The following STX8 variants were observed in gnomAD, a reference collection of about 807,000 sequenced individuals.
STX8 encodes syntaxin-8.
A neutral mutation model predicts 37.5 loss-of-function variants in STX8; 23 were observed. The ratio of observed to expected loss-of-function variants is 0.61; its 90% confidence interval spans 0.44 to 0.87. The LOEUF (loss-of-function observed/expected upper bound fraction) is 0.87, where lower values mean the gene tolerates loss of function less well. Ranked by LOEUF, STX8 falls within the 40% of genes least tolerant of loss-of-function variation. The pLI is 0.00. For missense variants in STX8, 313 were observed against 284.7 expected, an observed-to-expected ratio of 1.10 and a Z score of -0.71; for synonymous variants, 115 against 99.1, an observed-to-expected ratio of 1.16 and a Z score of -0.95.
intron 6 of STX8, among the ~76,000 whole-genome samples, chr17:9,414,132 A>ACATACCCATCTG (rs1913093676): frequency 1.1e-4 from 1 of 8,818 alleles, no homozygotes; most frequent in Non-Finnish European, 2.4e-4. Flanking sequence ...CCATCCAACC[A>ACATACCCATCTG]TCCATCCATC....
At chr17:9,504,893 G>C in intron 5 of STX8, 145 bp downstream of exon 5, 1 of 778,494 alleles carries the variant, frequency 1.3e-6, no homozygotes, top group Non-Finnish European at 1.9e-6. Flanking sequence ...AGAATCGTTT[G>C]AACCCGGGAG....
At chr17:9,476,938 C>T (rs868811196) in intron 6 of STX8, among the ~76,000 whole-genome samples, 9 of 152,070 alleles carry the variant, frequency 5.9e-5, no homozygotes, top group East Asian at 1.9e-4. Context: ...CTTGACCTCC[C>T]GGGCTCAAGT....
intron 6 of STX8, among the ~76,000 whole-genome samples, chr17:9,402,327 G>A (rs896987579): frequency 1.3e-5 from 2 of 152,068 alleles, no homozygotes; most frequent in Non-Finnish European, 2.9e-5. Context: ...CTCCATGTTG[G>A]TCAGGCTGAT....
At chr17:9,294,960 C>G (rs1460082219) in intron 7 of STX8, among the ~76,000 whole-genome samples, 1 of 152,214 alleles carries the variant, frequency 6.6e-6, no homozygotes, top group Non-Finnish European at 1.5e-5. Flanking sequence ...CCATCTGCAA[C>G]CCAAGGACAG....
chr17:9,437,111 A>T (rs188360717), intron 6 of STX8, among the ~76,000 whole-genome samples: 4 of 152,364 alleles, frequency 2.6e-5, no homozygotes, highest in Admixed American at 2.6e-4. Flanking sequence ...GCACTCACTG[A>T]ATTTTGAGCA....
intron 6 of STX8, among the ~76,000 whole-genome samples, chr17:9,421,102 A>AT (rs930741877): frequency 6.6e-5 from 10 of 151,772 alleles, no homozygotes; most frequent in African/African-American, 1.9e-4. Context: ...TTACTATAGA[A>AT]TTTTTTTTGG....
At chr17:9,497,145 A>G (rs1009411896) in intron 5 of STX8, among the ~76,000 whole-genome samples, 1 of 152,226 alleles carries the variant, frequency 6.6e-6, no homozygotes, top group Admixed American at 6.5e-5. Flanking sequence ...TGCAGTTTCA[A>G]TGAAGAAACT....
chr17:9,545,940 C>T (rs1478955396), intron 3 of STX8, among the ~76,000 whole-genome samples: 1 of 152,140 alleles, frequency 6.6e-6, no homozygotes, highest in Non-Finnish European at 1.5e-5. Flanking sequence ...TCAGTGATTC[C>T]TTAGGTTTTG....
rs146707117 is a variant in STX8 at position 9,343,264 on chromosome 17, A to G, written c.643+35288T>C. 4.2e-3 allele frequency among the ~76,000 whole-genome samples: 642 copies of G among 152,264 alleles called. 5 individuals are homozygous for G. The highest frequency in any genetic ancestry group is 0.014 in the African/African-American group (564 of 41,542). ...ACTCTCAACCACTCCAAGTTTTTAT[A>G]GAGCCTTTGGAATGATGGATGGGGC... is the stretch of plus-strand genomic sequence containing the variant. On this transcript the variant is annotated intron_variant, in intron 7 of 7. Coordinates refer to ENST00000306357, the MANE Select transcript of STX8 (RefSeq NM_004853.3).
intron 7 of STX8, among the ~76,000 whole-genome samples, chr17:9,280,330 C>T (rs140380503): frequency 6.6e-6 from 1 of 152,162 alleles, no homozygotes; most frequent in East Asian, 1.9e-4. Flanking sequence ...GAGACCAAGG[C>T]GGGTGGATCA....
intron 7 of STX8, among the ~76,000 whole-genome samples, chr17:9,291,273 C>T (rs975048806): frequency 2.6e-5 from 4 of 152,054 alleles, no homozygotes; most frequent in Middle Eastern, 3.4e-3. Flanking sequence ...GGTGAAACCT[C>T]GTGTCCACTA....
At chr17:9,272,596 G>C (rs1232630075) in intron 7 of STX8, among the ~76,000 whole-genome samples, 1 of 152,234 alleles carries the variant, frequency 6.6e-6, no homozygotes, top group Non-Finnish European at 1.5e-5. Flanking sequence ...GTACCCCGAA[G>C]CTAGCGCGCC....
At chr17:9,410,806 T>C (rs990837040) in intron 6 of STX8, among the ~76,000 whole-genome samples, 2 of 152,216 alleles carry the variant, frequency 1.3e-5, no homozygotes, top group Non-Finnish European at 2.9e-5. Context: ...TTTCCTAAAA[T>C]GTTTAAAAAC....
At position 9,505,084 on chromosome 17, in the gene STX8, G is replaced by A; in HGVS notation, c.402C>T (p.Gly134=). 6.2e-7 allele frequency: 1 copy of A among 1,611,262 alleles called. No individual in the cohort carries two copies. The highest frequency in any genetic ancestry group is 1.3e-5 in the African/African-American group (1 of 74,640). Residue 134 remains glycine, a synonymous_variant, in exon 5 of 8, where the codon GGC becomes GGT. Coordinates refer to ENST00000306357, the MANE Select transcript of STX8 (RefSeq NM_004853.3). The part of the protein sequence containing the change: ...WLFEEPEETR[G]LGFDEIRQQQ... ...GTTGCCGGATTTCATCAAAACCCAA[G>A]CCTCTGGTCTCCTCTGGCTCCTCAA...
chr17:9,419,583 G>A (rs1913348879), intron 6 of STX8, among the ~76,000 whole-genome samples: 1 of 152,184 alleles, frequency 6.6e-6, no homozygotes, highest in Non-Finnish European at 1.5e-5. Context: ...TAAGTATCGA[G>A]AATGCTCTAT....
chr17:9,376,170 T>C (rs1190634413), intron 7 of STX8, among the ~76,000 whole-genome samples: 12 of 152,176 alleles, frequency 7.9e-5, no homozygotes. Flanking sequence ...AACTTTTCTG[T>C]CTCACTAAAG....
At chr17:9,426,635 C>G (rs192260656) in intron 6 of STX8, among the ~76,000 whole-genome samples, 1 of 150,302 alleles carries the variant, frequency 6.7e-6, no homozygotes, top group Non-Finnish European at 1.5e-5. Context: ...GTGGCACATG[C>G]CTGTGGTCTT....
At chr17:9,517,177 T>C (rs1280306591) in intron 4 of STX8, among the ~76,000 whole-genome samples, 1 of 152,146 alleles carries the variant, frequency 6.6e-6, no homozygotes, top group Non-Finnish European at 1.5e-5. Context: ...CCTCCTTATC[T>C]TGCTTAATTT....
At chr17:9,511,484 A>C (rs1277405432) in intron 4 of STX8, among the ~76,000 whole-genome samples, 2 of 152,200 alleles carry the variant, frequency 1.3e-5, no homozygotes, top group African/African-American at 2.4e-5. Flanking sequence ...TATCACATCA[A>C]CTATAAAGGA....
Sources: allele counts gnomAD v4.1 joint callset (sites outside exome capture counted in the v4.1 genomes callset), GRCh38; gene constraint gnomAD v4.1.1; transcripts MANE v1.5; gene names NCBI Gene and HGNC (gene_info 2026-07-23, HGNC 2026-07-21).